Variants in EVL observed in about 807,000 individuals in gnomAD.
The protein encoded by EVL is ena/VASP-like protein.
Under a neutral mutation model 59.6 loss-of-function variants are expected in EVL, and 21 were observed. The ratio of observed to expected loss-of-function variants is 0.35; its 90% CI spans 0.25 to 0.51. The LOEUF (loss-of-function observed/expected upper bound fraction) is 0.51. Among genes scored for constraint, EVL ranks in the 20% least tolerant of loss-of-function variants. The pLI, the probability that EVL is intolerant of heterozygous loss-of-function variation, is 0.97. For synonymous variants in EVL, 198 were observed against 203.5 expected (o/e 0.97, Z 0.23); for missense variants, 462 against 546.6 (o/e 0.85, Z 1.54).
chr14:100,068,481 A>G (rs1030898249), intron 1 of EVL, among the ~76,000 whole-genome samples: 2 of 152,164 alleles, frequency 1.3e-5, no homozygotes, highest in Non-Finnish European at 2.9e-5. Context: ...GCTTAAGAAA[A>G]TCACTCTGGG....
chr14:99,980,229 T>C (rs1566961290), intron 1 of EVL, among the ~76,000 whole-genome samples: 1 of 152,202 alleles, frequency 6.6e-6, no homozygotes, highest in Non-Finnish European at 1.5e-5. Context: ...GAGACTTAAA[T>C]TATATTTTTC....
intron 1 of EVL, among the ~76,000 whole-genome samples, chr14:100,076,123 T>C (rs956394304): frequency 1.3e-5 from 2 of 152,212 alleles, no homozygotes; most frequent in Non-Finnish European, 2.9e-5. Flanking sequence ...GCAGGAGAAA[T>C]ATCTCTTCCT....
chr14:100,104,211 C>T (rs1480106045), intron 3 of EVL, among the ~76,000 whole-genome samples: 1 of 152,224 alleles, frequency 6.6e-6, no homozygotes, highest in Non-Finnish European at 1.5e-5. Context: ...CCTCTGCATT[C>T]AGCAGCCCCA....
At chr14:100,037,703 G>T (rs1199213197) in intron 1 of EVL, among the ~76,000 whole-genome samples, 4 of 152,158 alleles carry the variant, frequency 2.6e-5, no homozygotes, top group Admixed American at 2.6e-4. Context: ...TTTTGGACAT[G>T]GTATTTACCT....
At chr14:99,989,818 A>G (rs1410916492) in intron 1 of EVL, among the ~76,000 whole-genome samples, 1 of 152,220 alleles carries the variant, frequency 6.6e-6, no homozygotes, top group Non-Finnish European at 1.5e-5. Flanking sequence ...ATGTAATCAT[A>G]GCTGTTATCT....
chr14:100,116,972 G>A (rs1424401326), intron 3 of EVL, among the ~76,000 whole-genome samples: 4 of 152,166 alleles, frequency 2.6e-5, no homozygotes, highest in Admixed American at 6.5e-5. Context: ...AAGGGGATTC[G>A]TACAATCCAG....
intron 1 of EVL, among the ~76,000 whole-genome samples, chr14:99,990,543 G>A (rs1211051919): frequency 1.3e-5 from 2 of 151,778 alleles, no homozygotes; most frequent in Admixed American, 6.6e-5. Context: ...TCTTCTTTCC[G>A]TTTCTATGAT....
intron 3 of EVL, among the ~76,000 whole-genome samples, chr14:100,100,992 CAT>C (rs1455313040): frequency 2.0e-5 from 3 of 152,090 alleles, no homozygotes; most frequent in African/African-American, 7.2e-5. Context: ...CTTTGTATCT[CAT>C]GTGTCCATAT....
intron 3 of EVL, among the ~76,000 whole-genome samples, chr14:100,105,817 T>C (rs1595186735): frequency 6.6e-6 from 1 of 152,094 alleles, no homozygotes; most frequent in Non-Finnish European, 1.5e-5. Context: ...GTAGTGGTTG[T>C]AGCAGCAGCA....
chr14:99,980,722 C>T (rs1349803775), intron 1 of EVL, among the ~76,000 whole-genome samples: 1 of 152,304 alleles, frequency 6.6e-6, no homozygotes, highest in African/African-American at 2.4e-5. Context: ...ATAGGGATTC[C>T]GTGTGTATCT....
intron 1 of EVL, among the ~76,000 whole-genome samples, chr14:100,034,404 T>G (rs78970985): frequency 0.024 from 3,633 of 152,168 alleles, 155 homozygotes; most frequent in African/African-American, 0.083. Flanking sequence ...TGAGTTTACA[T>G]TCTAGAAAAC....
chr14:100,124,542 G>C, intron 4 of EVL, among the ~76,000 whole-genome samples: 1 of 152,086 alleles, frequency 6.6e-6, no homozygotes, highest in East Asian at 1.9e-4. Context: ...TCTTACTGTT[G>C]TCCCCATGAG....
Position 100,143,793 on chromosome 14 carries a change from C to A in EVL, c.*55C>A. 6.3e-7 allele frequency: 1 copy of A among 1,589,406 alleles called. No homozygotes were observed. The highest frequency in any genetic ancestry group is 8.6e-7 in the Non-Finnish European group (1 of 1,167,564). ...AGCCCATCCGGCGACAGAGGACAGC[C>A]AGAAGCCCAGCCAGCCCCAGACTCC... On this transcript the variant is annotated 3_prime_UTR_variant, in exon 14 of 14. Transcript: ENST00000392920.
In EVL at chr14:100,035,573, G is replaced by A. The variant is rs566324409; in HGVS notation, c.6-49114G>A. Reference sequence around the variant, plus strand: ...GGAGAGCGCTGAGATGTACAGGTGCGTCATTTACCCTCTTTGAGACATTTG... The same window carrying A: ...GGAGAGCGCTGAGATGTACAGGTGCATCATTTACCCTCTTTGAGACATTTG... On this transcript the variant is annotated intron_variant, in intron 1 of 13. Coordinates refer to the EVL transcript ENST00000402714. Among the ~76,000 whole-genome samples, 29 of 152,190 alleles carry A rather than the reference G, an allele frequency of 1.9e-4. 1 individual carries two copies. The South Asian group carries it at 5.2e-3, about 27-fold the overall frequency.
At chr14:100,024,528 A>G (rs1369151146) in intron 1 of EVL, among the ~76,000 whole-genome samples, 2 of 152,204 alleles carry the variant, frequency 1.3e-5, no homozygotes, top group South Asian at 2.1e-4. Context: ...CTGTGTGCCA[A>G]TCACTGCTGA....
chr14:100,092,285 C>A (rs995363117), intron 2 of EVL, among the ~76,000 whole-genome samples: 5 of 152,072 alleles, frequency 3.3e-5, no homozygotes, highest in Admixed American at 3.3e-4. Flanking sequence ...TTTAGTTTTT[C>A]TTATATCCTT....
In EVL at chr14:100,050,361, A is replaced by ATT. The variant is rs11361997; in HGVS notation, c.6-34318_6-34317dup. Among the ~76,000 whole-genome samples, 325 of 82,904 alleles carry ATT rather than the reference A, an allele frequency of 3.9e-3. 1 individual carries two copies. The highest frequency in any genetic ancestry group is 7.5e-3 in the Non-Finnish European group (236 of 31,596). The allele number at this position is 82,904 out of a possible 152,430, so 54.4% of individuals were successfully genotyped here. ...ATTTCATTTATTTATTTATTTATTT[A>ATT]TTTTTTTTTAGACAGTCTCACTCTG... On this transcript the variant is annotated intron_variant, in intron 1 of 13. Transcript: ENST00000402714.
chr14:100,074,723 CT>C (rs1247756669), intron 1 of EVL: 1 of 152,502 alleles, frequency 6.6e-6, no homozygotes, highest in Admixed American at 6.5e-5. Context: ...CTCTCTCTGT[CT>C]GCCCCTCTCC....
At chr14:99,973,659 C>A (rs1465498956) in intron 1 of EVL, among the ~76,000 whole-genome samples, 1 of 152,180 alleles carries the variant, frequency 6.6e-6, no homozygotes, top group Admixed American at 6.5e-5. Flanking sequence ...GACGGGGTTT[C>A]ACCATGTTGG....
Sources: allele counts gnomAD v4.1 joint callset (sites outside exome capture counted in the v4.1 genomes callset), GRCh38; gene constraint gnomAD v4.1.1; transcripts MANE v1.5; gene names NCBI Gene and HGNC (gene_info 2026-07-23, HGNC 2026-07-21).